Variants in BPTF observed in about 807,000 individuals in gnomAD.
BPTF encodes the protein bromodomain PHD finger transcription factor, also known as nucleosome-remodeling factor subunit BPTF.
BPTF carries 18 observed loss-of-function variants against 292.5 expected under a neutral mutation model. The observed-to-expected ratio is 0.06, with a 90% CI of 0.04 to 0.09. The LOEUF is 0.09. BPTF is among the 10% of genes least tolerant of loss of function. The pLI is 1.00. For synonymous variants in BPTF, 1,225 were observed against 1,251.9 expected (o/e 0.98, Z 0.45); for missense variants, 2,726 against 3,498.7 (o/e 0.78, Z 5.57).
At chr17:67,915,894 C>T (rs967620865) in intron 11 of BPTF, among the ~76,000 whole-genome samples, 1 of 152,170 alleles carries the variant, frequency 6.6e-6, no homozygotes, top group Admixed American at 6.5e-5. Context: ...CTTGAATGAG[C>T]AGACTTACCG....
At chr17:67,904,022 TTTTATTTA>T in intron 8 of BPTF, 104 bp downstream of exon 8, 7 of 1,001,728 alleles carry the variant, frequency 7.0e-6, no homozygotes, top group South Asian at 1.7e-5. Context: ...AGTCTTTGTA[TTTTATTTA>T]TTTATTTATT....
intron 4 of BPTF, among the ~76,000 whole-genome samples, chr17:67,884,590 A>G (rs1253322101): frequency 6.6e-6 from 1 of 151,206 alleles, no homozygotes; most frequent in African/African-American, 2.4e-5. Context: ...TAATTTTTGT[A>G]TTTTTCGTAG....
intron 13 of BPTF, among the ~76,000 whole-genome samples, chr17:67,920,463 G>A (rs1039365581): frequency 2.0e-5 from 3 of 152,158 alleles, no homozygotes; most frequent in African/African-American, 7.2e-5. Context: ...TTGAAGTCAC[G>A]GCAGCTAGTA....
At chr17:67,916,186 C>G (rs2062974005) in intron 11 of BPTF, among the ~76,000 whole-genome samples, 1 of 152,196 alleles carries the variant, frequency 6.6e-6, no homozygotes, top group Admixed American at 6.5e-5. Context: ...AGTGCGATAA[C>G]ACAGTGGAGA....
Position 67,982,513 on chromosome 17 carries a change from T to A in BPTF, c.*225T>A. 2.4e-6 allele frequency: 1 copy of A among 413,782 alleles called. No homozygotes were observed. 25.6% of individuals were successfully genotyped at this position (413,782 alleles called of 1,614,324 possible). On this transcript the variant is annotated 3_prime_UTR_variant, in exon 28 of 28. Coordinates refer to ENST00000306378, the MANE Select transcript of BPTF (RefSeq NM_182641.4). ...CATTATCTTGTCAAGATCAGATGGT[T>A]TTACTATTGTGGCAGAAGCGAGAAA...
chr17:67,848,623 GATT>G (rs2058199364), intron 1 of BPTF, among the ~76,000 whole-genome samples: 1 of 152,150 alleles, frequency 6.6e-6, no homozygotes, highest in South Asian at 2.1e-4. Flanking sequence ...TTAATTAACA[GATT>G]ATGACTACAG....
At chr17:67,891,785 G>C (rs2061132923) in intron 4 of BPTF, 59 bp from the exon 5 acceptor site, 1 of 1,341,158 alleles carries the variant, frequency 7.5e-7, no homozygotes, top group East Asian at 2.6e-5. Context: ...GGTGAAATAA[G>C]GTGGTTATAA....
At chr17:67,829,003 G>A (rs1274027241) in intron 1 of BPTF, among the ~76,000 whole-genome samples, 3 of 152,344 alleles carry the variant, frequency 2.0e-5, no homozygotes, top group African/African-American at 7.2e-5. Flanking sequence ...TAGTAGATAA[G>A]AACTTGTAAT....
intron 4 of BPTF, chr17:67,886,018 C>A: frequency 1.2e-6 from 1 of 850,608 alleles, no homozygotes; most frequent in Non-Finnish European, 1.8e-6. Flanking sequence ...AACAGATTTT[C>A]TTTTAAAAAT....
chr17:67,873,466 A>G (rs1400491603), intron 3 of BPTF, among the ~76,000 whole-genome samples: 1 of 152,046 alleles, frequency 6.6e-6, no homozygotes, highest in Admixed American at 6.5e-5. Context: ...CTCAAAAAAA[A>G]AAAAAAAGAA....
intron 26 of BPTF, among the ~76,000 whole-genome samples, chr17:67,972,297 G>A (rs533317029): frequency 6.6e-5 from 10 of 151,820 alleles, no homozygotes; most frequent in South Asian, 4.2e-4. Context: ...GTGCAGTGTC[G>A]TGATCTTGAA....
chr17:67,887,818 A>C (rs1251200735), intron 4 of BPTF, among the ~76,000 whole-genome samples: 3 of 152,200 alleles, frequency 2.0e-5, no homozygotes, highest in Admixed American at 2.0e-4. Context: ...CTCTCCCAGT[A>C]CAGACAGGCT....
chr17:67,924,563 G>C lies in BPTF; in HGVS notation c.5725G>C (p.Ala1909Pro). ...AFAERVEKEK[A>P]QAVEQQAKKR... is the part of the protein sequence containing the mutation. ...TTCCTGCAGAGTGGAGAAAGAAAAG[G>C]CACAAGCAGTTGAGCAACAGGCTAA... is the stretch of plus-strand genomic sequence containing the variant. Residue 1909 changes from alanine (A) to proline (P), a missense_variant, in exon 15 of 28, where the codon GCA becomes CCA. By Grantham distance (27) the Ala-to-Pro change is conservative. Coordinates refer to ENST00000306378, the MANE Select transcript of BPTF (RefSeq NM_182641.4). 6.2e-7 allele frequency: 1 copy of C among 1,613,628 alleles called. No individual in the cohort carries two copies.
intron 18 of BPTF, among the ~76,000 whole-genome samples, chr17:67,938,915 T>C (rs993367301): frequency 5.3e-5 from 8 of 152,222 alleles, no homozygotes; most frequent in African/African-American, 1.7e-4. Context: ...AAACAGTTTT[T>C]AATGCCAACC....
At chr17:67,908,456 A>AATTTTAT (rs1426957981) in intron 9 of BPTF, among the ~76,000 whole-genome samples, 1 of 149,532 alleles carries the variant, frequency 6.7e-6, no homozygotes, top group Non-Finnish European at 1.5e-5. Context: ...CACTCACCCA[A>AATTTTAT]ATTTTATCAC....
chr17:67,953,253 G>A (rs1555679271), intron 23 of BPTF, among the ~76,000 whole-genome samples: 1 of 145,828 alleles, frequency 6.9e-6, no homozygotes. Flanking sequence ...GAGCCACCGC[G>A]CCTGGCCTTT....
rs9904157 is a variant in BPTF, at chr17:67,928,624, A to C, written c.5998+23A>C. On this transcript the variant is annotated intron_variant, in intron 16 of 27. Transcript: ENST00000306378. ...CAGGTATGGAACTATCATTAAGTAA[A>C]AGATTACTTTGGTTCAGGAAAAAGA... is the stretch of plus-strand genomic sequence containing the variant. 4.5e-3 allele frequency: 7,135 copies of C among 1,571,896 alleles called. 285 individuals carry two copies. In the African/African-American group the frequency reaches 0.084, roughly 19 times the overall value.
intron 2 of BPTF, among the ~76,000 whole-genome samples, chr17:67,856,826 G>A (rs2058718098): frequency 6.6e-6 from 1 of 152,162 alleles, no homozygotes; most frequent in African/African-American, 2.4e-5. Flanking sequence ...TTTTTGTACA[G>A]TACCTTTGTT....
chr17:67,917,139 T>C (rs1328318987), intron 11 of BPTF, among the ~76,000 whole-genome samples: 1 of 144,066 alleles, frequency 6.9e-6, no homozygotes, highest in African/African-American at 2.6e-5. Flanking sequence ...TCCTTTTTTT[T>C]TTTTTTTTTT....
Sources: gnomAD v4.1 joint callset for allele counts (sites outside exome capture counted in the v4.1 genomes callset) on GRCh38, gnomAD v4.1.1 for gene constraint, MANE v1.5 for transcripts, NCBI Gene and HGNC (gene_info 2026-07-23, HGNC 2026-07-21) for gene names.